Variants in EPHA5 observed in about 807,000 individuals in gnomAD.
EPHA5 encodes the protein EPH receptor A5, also known as ephrin type-A receptor 5.
A neutral mutation model predicts 105.0 loss-of-function variants in EPHA5; 60 were observed. The observed-to-expected ratio is 0.57, with a 90% CI of 0.46 to 0.71. The LOEUF (loss-of-function observed/expected upper bound fraction) is 0.71, where lower values mean the gene tolerates loss of function less well. Among genes scored for constraint, EPHA5 ranks in the 30% least tolerant of loss-of-function variants. EPHA5 has a pLI of 0.00. For synonymous variants in EPHA5, 513 were observed against 449.1 expected (o/e 1.14, Z -1.80); for missense variants, 1,218 against 1,274.7 (o/e 0.96, Z 0.68).
rs148789371 is a variant in EPHA5, at chr4:65,355,664, A to G, written c.2174-2561T>C. Among the ~76,000 whole-genome samples, 592 of 151,720 alleles carry G rather than the reference A, an allele frequency of 3.9e-3. 4 individuals carry two copies. Among genetic ancestry groups the G allele is most frequent in the Non-Finnish European group, 6.3e-3 (424 of 67,738 alleles). ...CTATATGTCAGAATTTATACCAGCG[A>G]TAATGCTGAGGTATCCTGGATCACC... On this transcript the variant is annotated intron_variant, in intron 11 of 16. Transcript: ENST00000613740.
In EPHA5 at chr4:65,327,606, C is replaced by T. The variant is rs148927306; in HGVS notation, c.2946-3387G>A. Among the ~76,000 whole-genome samples the T allele has an allele frequency of 1.6e-3, 241 of 151,320 alleles. 1 individual carries two copies. The highest frequency in any genetic ancestry group is 5.5e-3 in the African/African-American group (228 of 41,446). On this transcript the variant is annotated intron_variant, in intron 16 of 16. Coordinates refer to ENST00000613740, the MANE Select transcript of EPHA5 (RefSeq NM_001281766.3). ...AGAAGATAGGATAACTATAATAATGCATGCAACGTACATGTACCTTTATAC... is the reference window on the plus strand; with the variant it reads ...AGAAGATAGGATAACTATAATAATGTATGCAACGTACATGTACCTTTATAC...
intron 14 of EPHA5, among the ~76,000 whole-genome samples, chr4:65,338,541 G>C (rs1423355950): frequency 6.6e-6 from 1 of 151,396 alleles, no homozygotes; most frequent in Non-Finnish European, 1.5e-5. Context: ...ACCTTAAGAA[G>C]TTATTTGACC....
At chr4:65,558,022 G>A (rs1738631000) in intron 3 of EPHA5, among the ~76,000 whole-genome samples, 1 of 151,876 alleles carries the variant, frequency 6.6e-6, no homozygotes, top group African/African-American at 2.4e-5. Flanking sequence ...GATTACAGGT[G>A]GGTGCCACCA....
chr4:65,478,071 T>A (rs994972922), intron 5 of EPHA5, among the ~76,000 whole-genome samples: 8 of 152,208 alleles, frequency 5.3e-5, no homozygotes, highest in African/African-American at 1.9e-4. Context: ...TAGAATCCCA[T>A]CTTTGAACTG....
intron 1 of EPHA5, among the ~76,000 whole-genome samples, chr4:65,662,848 T>C (rs1012928635): frequency 2.0e-5 from 3 of 151,916 alleles, no homozygotes; most frequent in African/African-American, 7.3e-5. Flanking sequence ...CAACAACCTT[T>C]CCACACACTC....
At chr4:65,416,989 T>C (rs1322073201) in intron 6 of EPHA5, among the ~76,000 whole-genome samples, 2 of 152,254 alleles carry the variant, frequency 1.3e-5, no homozygotes, top group Non-Finnish European at 2.9e-5. Flanking sequence ...TGACTTTTCC[T>C]GCCTTCGTGC....
chr4:65,321,535 A>G lies in EPHA5; in HGVS notation c.*2579T>C. 1 of 229,048 alleles carries G rather than the reference A, an allele frequency of 4.4e-6. No individual in the cohort carries two copies. Among genetic ancestry groups the G allele is most frequent in the Non-Finnish European group, 8.7e-6 (1 of 115,324 alleles). 14.2% of individuals were successfully genotyped at this position (229,048 alleles called of 1,614,324 possible). Reference sequence around the variant, plus strand: ...GTTTGACAGTCTCTTTATTCATTCTAAAGTCATATTAACCTTCCTTAGAAA... The same window carrying G: ...GTTTGACAGTCTCTTTATTCATTCTGAAGTCATATTAACCTTCCTTAGAAA... On this transcript the variant is annotated 3_prime_UTR_variant, in exon 17 of 17. Transcript: ENST00000613740.
chr4:65,501,683 C>T lies in EPHA5; in HGVS notation c.911-6140G>A, dbSNP rs765954693. ...TCATTAAAATGCCATACTACGCAAA[C>T]CAATGTACAGATTCAATACTATTTC... On this transcript the variant is annotated intron_variant, in intron 3 of 16. Transcript: ENST00000613740. Among the ~76,000 whole-genome samples, 35 of 151,632 alleles carry T rather than the reference C, an allele frequency of 2.3e-4. No homozygotes were observed. The Middle Eastern group carries it at 0.024, about 103-fold the overall frequency.
In EPHA5 at chr4:65,643,382, A is replaced by G. The variant is rs753467224; in HGVS notation, c.227T>C (p.Ile76Thr). Residue 76 changes from isoleucine (I) to threonine (T), a missense_variant, in exon 2 of 17, where the codon ATT becomes ACT. Physicochemically the swap from Ile to Thr is moderately conservative, Grantham distance 89 (BLOSUM62 -1). This residue lies in a region of EPHA5 where 233 missense variants were observed against 227.5 expected (regional missense o/e 1.02). Coordinates refer to ENST00000613740, the MANE Select transcript of EPHA5 (RefSeq NM_001281766.3). ...SRTVMGDLGWIAFPKNGWEEI... is the reference protein window; with the variant it reads ...SRTVMGDLGWTAFPKNGWEEI... Reference sequence around the variant, plus strand: ...ACTTACCCCATTTTTTGGAAAAGCAATCCATCCCAGGTCCCCCATGACAGT... The same window carrying G: ...ACTTACCCCATTTTTTGGAAAAGCAGTCCATCCCAGGTCCCCCATGACAGT... 8 of 1,613,056 alleles carry G rather than the reference A, an allele frequency of 5.0e-6. No homozygotes were observed. In the East Asian group the frequency reaches 1.1e-4, roughly 22 times the overall value.
intron 1 of EPHA5, among the ~76,000 whole-genome samples, chr4:65,659,537 T>C (rs1749378778): frequency 6.6e-6 from 1 of 151,732 alleles, no homozygotes; most frequent in African/African-American, 2.4e-5. Context: ...AGGGAAAAAA[T>C]TATAGCTATG....
chr4:65,386,034 GA>G (rs1337395275), intron 8 of EPHA5, among the ~76,000 whole-genome samples: 1 of 151,722 alleles, frequency 6.6e-6, no homozygotes, highest in Non-Finnish European at 1.5e-5. Flanking sequence ...TAAGTCTTTG[GA>G]AAATATCAAT....
intron 8 of EPHA5, among the ~76,000 whole-genome samples, chr4:65,381,684 G>A (rs2034542): frequency 0.58 from 88,176 of 151,490 alleles, 26,045 homozygotes; most frequent in East Asian, 0.77. Context: ...ATGTGTTTCC[G>A]CCAAATTTGT....
intron 6 of EPHA5, among the ~76,000 whole-genome samples, chr4:65,416,365 A>C: frequency 6.6e-6 from 1 of 152,132 alleles, no homozygotes; most frequent in East Asian, 1.9e-4. Flanking sequence ...TTTACCAAGA[A>C]TATTGGAAGG....
Position 65,321,382 on chromosome 4 carries a change from G to C in EPHA5, c.*2732C>G, listed in dbSNP as rs73824281. On this transcript the variant is annotated 3_prime_UTR_variant, in exon 17 of 17. Transcript: ENST00000613740. ...GCCTCACTACATTTTACTAGAGTTG[G>C]CTCCTCTCCTTGTTCCATTTCTCAC... 2,827 of 230,298 alleles carry C rather than the reference G, an allele frequency of 0.012. 79 individuals are homozygous for C. Among genetic ancestry groups the C allele is most frequent in the African/African-American group, 0.058 (2,633 of 45,228 alleles). The allele number at this position is 230,298 out of a possible 1,614,324, so 14.3% of individuals were successfully genotyped here. A position where few individuals can be genotyped will look rare whatever the true frequency, so the allele number is the denominator to read the frequency against.
At chr4:65,389,734 A>T (rs942653541) in intron 8 of EPHA5, among the ~76,000 whole-genome samples, 1 of 152,058 alleles carries the variant, frequency 6.6e-6, no homozygotes, top group Non-Finnish European at 1.5e-5. Flanking sequence ...CATCAGAGGC[A>T]TTGAGAACTA....
chr4:65,539,996 T>G (rs895896541), intron 3 of EPHA5, among the ~76,000 whole-genome samples: 2 of 151,462 alleles, frequency 1.3e-5, no homozygotes, highest in African/African-American at 4.8e-5. Context: ...TGGTTTGAAA[T>G]TTACAAAAAA....
chr4:65,404,217 A>G (rs1244987091), intron 8 of EPHA5, among the ~76,000 whole-genome samples, 157 bp downstream of exon 8: 1 of 152,310 alleles, frequency 6.6e-6, no homozygotes, highest in Non-Finnish European at 1.5e-5. Context: ...AATAATATGA[A>G]CAAGATAAGG....
At chr4:65,605,767 G>T (rs535280200) in intron 2 of EPHA5, among the ~76,000 whole-genome samples, 1 of 152,026 alleles carries the variant, frequency 6.6e-6, no homozygotes, top group East Asian at 1.9e-4. Flanking sequence ...GTACAAGCCC[G>T]AAGCTCTAGT....
At chr4:65,610,145 G>T (rs985488736) in intron 2 of EPHA5, among the ~76,000 whole-genome samples, 18 of 152,038 alleles carry the variant, frequency 1.2e-4, no homozygotes, top group Non-Finnish European at 1.3e-4. Context: ...CTATGGAATA[G>T]TCTATATTGG....
Sources: gnomAD v4.1 joint callset for allele counts (sites outside exome capture counted in the v4.1 genomes callset) on GRCh38, gnomAD v4.1.1 for gene constraint, gnomAD v4.1.1 regional missense constraint, MANE v1.5 for transcripts, NCBI Gene and HGNC (gene_info 2026-07-23, HGNC 2026-07-21) for gene names.